The following MBD6 variants were observed in gnomAD, a reference collection of about 807,000 sequenced individuals.
MBD6 encodes methyl-CpG binding domain protein 6.
In MBD6, 22 loss-of-function variants were observed where a neutral mutation model predicts 66.8. The ratio of observed to expected loss-of-function variants is 0.33; its 90% CI spans 0.24 to 0.47. The LOEUF is 0.47. MBD6 is among the 20% of genes least tolerant of loss of function. The probability of loss-of-function intolerance (pLI) is 1.00; values close to 1 mark genes in which losing one functional copy is unlikely to be tolerated. For synonymous variants in MBD6, 540 were observed against 534.6 expected (o/e 1.01, Z -0.14); for missense variants, 1,322 against 1,286.9 (o/e 1.03, Z -0.42).
At position 57,528,003 on chromosome 12, in the gene MBD6, C is replaced by T. The variant is rs370098553; in HGVS notation, c.2392C>T (p.Leu798=). 3.2e-6 allele frequency: 5 copies of T among 1,541,390 alleles called. No homozygotes were observed. In the African/African-American group the frequency reaches 6.9e-5, roughly 21 times the overall value. Residue 798 remains leucine, a synonymous_variant, in exon 9 of 13, where the codon CTA becomes TTA. Coordinates refer to ENST00000355673, the MANE Select transcript of MBD6 (RefSeq NM_052897.4). ...SEASSPLACL[L]QSLQIPPEQP... is the part of the protein sequence containing the mutation. ...GGCTTCTAGTCCCCTAGCCTGCCTG[C>T]TACAGAGTCTCCAGGTGAGGGTGTG...
Position 57,529,586 on chromosome 12 carries a change from G to T in MBD6, c.*352G>T. 4.8e-6 allele frequency: 1 copy of T among 209,110 alleles called. No homozygotes were observed. Among genetic ancestry groups the T allele is most frequent in the Non-Finnish European group, 9.9e-6 (1 of 101,378 alleles). The allele number at this position is 209,110 out of a possible 1,614,324, so 13.0% of individuals were successfully genotyped here. A position where few individuals can be genotyped will look rare whatever the true frequency, so the allele number is the denominator to read the frequency against. On this transcript the variant is annotated 3_prime_UTR_variant, in exon 13 of 13. Coordinates refer to ENST00000355673, the MANE Select transcript of MBD6 (RefSeq NM_052897.4). ...CAAATGACTCTTTTATATTTAATTCGATTTCATTGCCTCCCTTCTTAAAGC... is the reference window on the plus strand; with the variant it reads ...CAAATGACTCTTTTATATTTAATTCTATTTCATTGCCTCCCTTCTTAAAGC...
chr12:57,524,228 A>C, intron 2 of MBD6, 52 bp from the exon 3 acceptor site: 7 of 1,106,794 alleles, frequency 6.3e-6, no homozygotes, highest in Non-Finnish European at 8.9e-6. Context: ...TCTCTCAGGT[A>C]CTTCGCTCAG....
chr12:57,525,595 C>A lies in MBD6; in HGVS notation c.627C>A (p.Ala209=), dbSNP rs1213415324. 5 of 1,612,282 alleles carry A rather than the reference C, an allele frequency of 3.1e-6. No homozygotes were observed. In the Admixed American group the frequency reaches 8.4e-5, roughly 27 times the overall value. Residue 209 remains alanine, a synonymous_variant, in exon 6 of 13, where the codon GCC becomes GCA. Coordinates refer to ENST00000355673, the MANE Select transcript of MBD6 (RefSeq NM_052897.4). Reference sequence around the variant, plus strand: ...CCCGTTTCCTCCCAAGGGGCAATGCCCCCTCTCCAGCCCCACCTCCTCCAC... The same window carrying A: ...CCCGTTTCCTCCCAAGGGGCAATGCACCCTCTCCAGCCCCACCTCCTCCAC... ...SSPRFLPRGN[A]PSPAPPPPPA...
At position 57,528,353 on chromosome 12, in the gene MBD6, G is replaced by C. The variant is rs757957773; in HGVS notation, c.2613G>C (p.Glu871Asp). The change falls in exon 10 of 13, where the codon GAG (glutamate) becomes GAC (aspartate). Residue 871 changes from glutamate to aspartate, a missense_variant. By Grantham distance (45) the Glu-to-Asp change is conservative. Coordinates refer to ENST00000355673, the MANE Select transcript of MBD6 (RefSeq NM_052897.4). ...GGGGACTTAGGGGCATTAATGGTGA[G>C]GCCAGGCCAGCCCGGGGCCGAAAGC... ...GGGGLRGING[E>D]ARPARGRKPG... The C allele has an allele frequency of 6.2e-7, 1 of 1,612,014 alleles. No homozygotes were observed. The highest frequency in any genetic ancestry group is 1.7e-5 in the Admixed American group (1 of 59,928).
chr12:57,523,269 AGG>A (rs1197949676), intron 1 of MBD6: 11 of 150,420 alleles, frequency 7.3e-5, no homozygotes, highest in Admixed American at 6.6e-4. Flanking sequence ...CCTCAAGCTG[AGG>A]GAAGCAGTCT....
chr12:57,524,746 T>A lies in MBD6; in HGVS notation c.140T>A (p.Leu47Ter), dbSNP rs1289136093. The change falls in exon 4 of 13, where the codon TTG becomes TAG. Residue 47 changes from leucine to a stop codon, truncating the protein, a stop_gained. Coordinates refer to ENST00000355673, the MANE Select transcript of MBD6 (RefSeq NM_052897.4). LOFTEE classifies it high-confidence loss of function. ...ISPSGTELSS[L>*]EQTRSYLLSD... The stretch of plus-strand genomic sequence containing the variant: ...CCAAGTGGCACAGAGCTGTCTTCCT[T>A]GGAGCAAACCCGGAGCTACCTCCTC... 6.2e-7 allele frequency: 1 copy of A among 1,614,072 alleles called. No individual in the cohort carries two copies. Among genetic ancestry groups the A allele is most frequent in the Non-Finnish European group, 8.5e-7 (1 of 1,180,040 alleles).
chr12:57,527,449 C>T, intron 7 of MBD6, 58 bp from the exon 8 acceptor site: 1 of 1,582,122 alleles, frequency 6.3e-7, no homozygotes, highest in Non-Finnish European at 8.7e-7. Flanking sequence ...TGTGAAAGCA[C>T]TATAAATCTG....
Position 57,529,268 on chromosome 12 carries a change from G to A in MBD6, c.*34G>A, listed in dbSNP as rs368499478. The A allele has an allele frequency of 8.7e-6, 14 of 1,612,024 alleles. No individual in the cohort carries two copies. In the African/African-American group the frequency reaches 1.2e-4, roughly 14 times the overall value. On this transcript the variant is annotated 3_prime_UTR_variant, in exon 13 of 13. Coordinates refer to ENST00000355673, the MANE Select transcript of MBD6 (RefSeq NM_052897.4). ...CCTGGAGCTGGATCTGACCCTGATT[G>A]GGGAGAGCTGAGTGCTGAGCCTTGG... is the stretch of plus-strand genomic sequence containing the variant.
chr12:57,526,940 G>A lies in MBD6; in HGVS notation c.1795G>A (p.Val599Met), dbSNP rs140197191. The A allele has an allele frequency of 6.7e-5, 108 of 1,613,694 alleles. 1 individual carries two copies. In the African/African-American group the frequency reaches 1.3e-3, roughly 19 times the overall value. ...AGAGCCTGAAGGGCCTTCGCTTTTG[G>A]TGGCTTCCTTGCTTCCTCCACCACC... Reference protein sequence around the residue: ...PGEPEGPSLLVASLLPPPPSD... With the variant: ...PGEPEGPSLLMASLLPPPPSD... The change falls in exon 7 of 13, where the codon GTG (valine) becomes ATG (methionine). Residue 599 changes from valine to methionine, a missense_variant. Coordinates refer to ENST00000355673, the MANE Select transcript of MBD6 (RefSeq NM_052897.4).
Position 57,524,349 on chromosome 12 carries a change from C to T in MBD6, c.46C>T (p.Pro16Ser). 1 of 1,594,786 alleles carries T rather than the reference C, an allele frequency of 6.3e-7. No individual in the cohort carries two copies. The highest frequency in any genetic ancestry group is 8.5e-7 in the Non-Finnish European group (1 of 1,170,972). ...CAGTGGAGCAGACAGAGCTGGGGGC[C>T]CTGTGGCCACATCTGTCCCCATCGG... ...ESSGADRAGG[P>S]VATSVPIGWQ... Residue 16 changes from proline (P) to serine (S), a missense_variant, in exon 3 of 13, where the codon CCT becomes TCT. By Grantham distance (74) the Pro-to-Ser change is moderately conservative. Transcript: ENST00000355673.
At chr12:57,525,293 A>G (rs1207449487) in intron 5 of MBD6, 55 bp from the exon 6 acceptor site, 2 of 1,524,018 alleles carry the variant, frequency 1.3e-6, no homozygotes, top group Non-Finnish European at 1.8e-6. Flanking sequence ...GAGAAGACAA[A>G]AGAGTTTTTG....
downstream of MBD6, among the ~76,000 whole-genome samples, chr12:57,531,304 C>T (rs1370377808): frequency 1.3e-5 from 2 of 151,902 alleles, no homozygotes; most frequent in African/African-American, 2.4e-5. Context: ...GGTGGGATCA[C>T]TTGAGGTCAG....
In MBD6 at chr12:57,525,765, C is replaced by G. The variant is rs1184660931; in HGVS notation, c.797C>G (p.Ala266Gly). 8.1e-6 allele frequency: 13 copies of G among 1,613,732 alleles called. No homozygotes were observed. Among genetic ancestry groups the G allele is most frequent in the Non-Finnish European group, 1.0e-5 (12 of 1,179,864 alleles). Residue 266 changes from alanine (A) to glycine (G), a missense_variant, in exon 6 of 13, where the codon GCC (alanine) becomes GGC (glycine). Physicochemically the swap from Ala to Gly is moderately conservative, Grantham distance 60 (BLOSUM62 0). Transcript: ENST00000355673. ...CCTCCTCTCTTCCACTGTAGTGATG[C>G]CTTAACACCCCCTCCCCTGCCCCCG... ...SDPPLFHCSDALTPPPLPPSN... is the reference protein window; with the variant it reads ...SDPPLFHCSDGLTPPPLPPSN...
At position 57,528,661 on chromosome 12, in the gene MBD6, C is replaced by T. The variant is rs1464982259; in HGVS notation, c.2821-5C>T. The T allele has an allele frequency of 6.2e-7, 1 of 1,613,984 alleles. No homozygotes were observed. The highest frequency in any genetic ancestry group is 8.5e-7 in the Non-Finnish European group (1 of 1,180,018). On this transcript the variant is annotated splice_region_variant and splice_polypyrimidine_tract_variant and intron_variant, in intron 10 of 12. Coordinates refer to ENST00000355673, the MANE Select transcript of MBD6 (RefSeq NM_052897.4). ...TTCCCACACACATAGTCCATCTTTT[C>T]TCAGGTGCCCCCGGGAGTAGTCAGA...
At chr12:57,530,604 T>TA, downstream of MBD6, 1 of 1,209,392 alleles carries the variant, frequency 8.3e-7, no homozygotes, top group Non-Finnish European at 1.2e-6. Flanking sequence ...ATGCTAGAGT[T>TA]ATAGTAAAGG....
In MBD6 at chr12:57,526,033, C is replaced by A. The variant is rs1467961670; in HGVS notation, c.1065C>A (p.His355Gln). 6.2e-7 allele frequency: 1 copy of A among 1,614,054 alleles called. No individual in the cohort carries two copies. Among genetic ancestry groups the A allele is most frequent in the Admixed American group, 1.7e-5 (1 of 60,028 alleles). ...GTGCCCAGGCACCCTCAGCTTCCCA[C>A]TCCTCATCACTTCGTCCCTCTCAGC... ...RPRAQAPSAS[H>Q]SSSLRPSQRR... The change falls in exon 6 of 13, where the codon CAC becomes CAA. Residue 355 changes from histidine (H) to glutamine (Q), a missense_variant. His to Gln is a conservative substitution (Grantham distance 24). Coordinates refer to ENST00000355673, the MANE Select transcript of MBD6 (RefSeq NM_052897.4).
Position 57,529,273 on chromosome 12 carries a change from G to T in MBD6, c.*39G>T. 1 of 1,610,978 alleles carries T rather than the reference G, an allele frequency of 6.2e-7. No individual in the cohort carries two copies. The highest frequency in any genetic ancestry group is 1.1e-5 in the South Asian group (1 of 90,986). ...AGCTGGATCTGACCCTGATTGGGGA[G>T]AGCTGAGTGCTGAGCCTTGGGAGCC... On this transcript the variant is annotated 3_prime_UTR_variant, in exon 13 of 13. Coordinates refer to ENST00000355673, the MANE Select transcript of MBD6 (RefSeq NM_052897.4).
Position 57,529,159 on chromosome 12 carries a change from G to C in MBD6, c.2938-1G>C. ...TCTATCAACTTCCCCTCTGATATTA[G>C]GCAGCTGTCCCTCTGCCTCCCCGGG... On this transcript the variant is annotated splice_acceptor_variant, in intron 12 of 12. Transcript: ENST00000355673. LOFTEE classifies it high-confidence loss of function. The C allele has an allele frequency of 6.2e-7, 1 of 1,614,060 alleles. No homozygotes were observed. Among genetic ancestry groups the C allele is most frequent in the Non-Finnish European group, 8.5e-7 (1 of 1,179,982 alleles).
At position 57,525,106 on chromosome 12, in the gene MBD6, T is replaced by A. The variant is rs1404303024; in HGVS notation, c.370T>A (p.Ser124Thr). 1.2e-6 allele frequency: 2 copies of A among 1,607,744 alleles called. No individual in the cohort carries two copies. Among genetic ancestry groups the A allele is most frequent in the African/African-American group, 2.7e-5 (2 of 74,422 alleles). Residue 124 changes from serine (S) to threonine (T), a missense_variant, in exon 5 of 13, where the codon TCT becomes ACT. By Grantham distance (58) the Ser-to-Thr change is moderately conservative. Coordinates refer to ENST00000355673, the MANE Select transcript of MBD6 (RefSeq NM_052897.4). ...YRSMETTCSH[S>T]SPGEGASPQM... ...CAGCATGGAGACCACCTGCTCACACTCTTCTCCTGGTGAGTCTTCTGCCAC... is the reference window on the plus strand; with the variant it reads ...CAGCATGGAGACCACCTGCTCACACACTTCTCCTGGTGAGTCTTCTGCCAC...
Sources: allele counts gnomAD v4.1 joint callset (sites outside exome capture counted in the v4.1 genomes callset), GRCh38; gene constraint gnomAD v4.1.1; transcripts MANE v1.5; gene names NCBI Gene and HGNC (gene_info 2026-07-23, HGNC 2026-07-21).